Variants in ADAM19 observed in about 807,000 individuals in gnomAD.
ADAM19 encodes the protein ADAM metallopeptidase domain 19.
ADAM19 carries 65 observed loss-of-function variants against 114.7 expected under a neutral mutation model. That is an observed-to-expected ratio of 0.57 (90% CI 0.46 to 0.70). The LOEUF (loss-of-function observed/expected upper bound fraction) is 0.70, where lower values mean the gene tolerates loss of function less well. ADAM19 is among the 30% of genes least tolerant of loss of function. ADAM19 has a pLI of 0.00. For synonymous variants in ADAM19, 466 were observed against 460.5 expected (o/e 1.01, Z -0.15); for missense variants, 1,063 against 1,204.7 (o/e 0.88, Z 1.74).
intron 3 of ADAM19, among the ~76,000 whole-genome samples, chr5:157,557,419 G>T (rs55704016): frequency 0.2 from 30,579 of 152,054 alleles, 4,268 homozygotes; most frequent in African/African-American, 0.39. Context: ...TTCAATTTTG[G>T]ATGCTCTCTG....
rs758261259 is a variant in ADAM19 at position 157,494,782 on chromosome 5, G to A, written c.1608C>T (p.Ala536=). Residue 536 remains alanine (A), a synonymous_variant, in exon 15 of 23, where the codon GCC becomes GCT. Transcript: ENST00000257527. ...QQLWGPGARP[A]PDLCFEKVNV... ...TCACCTTCTCGAAGCAGAGGTCAGG[G>A]GCAGGTCGGGCTCCTGGGTGGGCAA... is the stretch of plus-strand genomic sequence containing the variant. The A allele has an allele frequency of 1.2e-6, 2 of 1,613,626 alleles. No individual in the cohort carries two copies. The highest frequency in any genetic ancestry group is 1.1e-5 in the South Asian group (1 of 91,066).
rs906798522 is a variant in ADAM19 at position 157,479,016 on chromosome 5, C to T, written c.*1933G>A. 21 of 985,616 alleles carry T rather than the reference C, an allele frequency of 2.1e-5. 1 individual carries two copies. The Admixed American group carries it at 6.1e-4, about 29-fold the overall frequency. The allele number at this position is 985,616 out of a possible 1,614,324, so 61.1% of individuals were successfully genotyped here. ...AGAGGGGTGAAAGGGGATGTTTTCACCTTTACTTTCCAGGAACCAAGCCTT... is the reference window on the plus strand; with the variant it reads ...AGAGGGGTGAAAGGGGATGTTTTCATCTTTACTTTCCAGGAACCAAGCCTT... On this transcript the variant is annotated 3_prime_UTR_variant, in exon 23 of 23. Coordinates refer to ENST00000257527, the MANE Select transcript of ADAM19 (RefSeq NM_033274.5).
intron 21 of ADAM19, among the ~76,000 whole-genome samples, chr5:157,483,613 G>T (rs1256919549): frequency 6.6e-6 from 1 of 151,408 alleles, no homozygotes; most frequent in Non-Finnish European, 1.5e-5. Context: ...AAAAGGGGAG[G>T]GGTGTGTTCC....
In ADAM19 at chr5:157,555,578, T is replaced by G. The variant is rs192263130; in HGVS notation, c.251+8795A>C. ...ACATTTGTTCTGGACGTTGCATTAG[T>G]ACAAATTAGCATGTATTGAAAACCT... On this transcript the variant is annotated intron_variant, in intron 3 of 22. Coordinates refer to ENST00000257527, the MANE Select transcript of ADAM19 (RefSeq NM_033274.5). Among the ~76,000 whole-genome samples, 3 of 152,350 alleles carry G rather than the reference T, an allele frequency of 2.0e-5. No individual in the cohort carries two copies. In the East Asian group the frequency reaches 5.8e-4, roughly 29 times the overall value.
intron 12 of ADAM19, among the ~76,000 whole-genome samples, chr5:157,500,578 T>C (rs1156238055): frequency 6.6e-6 from 1 of 152,162 alleles, no homozygotes; most frequent in Non-Finnish European, 1.5e-5. Context: ...CTAGGCTTTC[T>C]TATCTCATGA....
intron 3 of ADAM19, among the ~76,000 whole-genome samples, chr5:157,546,402 G>T (rs191717891): frequency 2.0e-5 from 3 of 152,238 alleles, no homozygotes; most frequent in Non-Finnish European, 4.4e-5. Flanking sequence ...CAACATGGCT[G>T]CCCTCCTTCT....
Position 157,481,006 on chromosome 5 carries a change from G to A in ADAM19, c.2704-4C>T, listed in dbSNP as rs1754728970. ...TCTGTGATCTGTATTCTGGAAACTG[G>A]GAAGAAAAAGAAGGGAGGGAGAGAG... On this transcript the variant is annotated splice_region_variant and splice_polypyrimidine_tract_variant and intron_variant, in intron 22 of 22. Coordinates refer to ENST00000257527, the MANE Select transcript of ADAM19 (RefSeq NM_033274.5). 2.5e-6 allele frequency: 4 copies of A among 1,613,984 alleles called. No homozygotes were observed. The highest frequency in any genetic ancestry group is 1.3e-5 in the African/African-American group (1 of 74,874).
chr5:157,484,525 C>T (rs577212306), intron 21 of ADAM19, among the ~76,000 whole-genome samples: 2 of 152,192 alleles, frequency 1.3e-5, no homozygotes, highest in Non-Finnish European at 2.9e-5. Flanking sequence ...ACTTCCTTCC[C>T]TTCTCGAGAG....
At chr5:157,516,408 C>T (rs1756090618) in intron 7 of ADAM19, among the ~76,000 whole-genome samples, 1 of 152,196 alleles carries the variant, frequency 6.6e-6, no homozygotes, top group Non-Finnish European at 1.5e-5. Context: ...CTTGAGTGGA[C>T]ACTTTTTCTC....
intron 7 of ADAM19, among the ~76,000 whole-genome samples, chr5:157,514,436 C>CAG (rs1756032158): frequency 6.6e-6 from 1 of 151,488 alleles, no homozygotes; most frequent in Non-Finnish European, 1.5e-5. Flanking sequence ...AAGCGATTCT[C>CAG]CTGCCTCAGC....
At chr5:157,562,228 GCCGT>G (rs1283051023) in intron 3 of ADAM19, among the ~76,000 whole-genome samples, 3 of 152,212 alleles carry the variant, frequency 2.0e-5, no homozygotes, top group East Asian at 3.8e-4. Context: ...ATAGCAGGAA[GCCGT>G]CCCCCAGGGA....
chr5:157,533,099 A>G (rs1283298155), intron 4 of ADAM19, among the ~76,000 whole-genome samples: 1 of 152,194 alleles, frequency 6.6e-6, no homozygotes, highest in Non-Finnish European at 1.5e-5. Flanking sequence ...ATGCTCCAGC[A>G]TATCCAGCCA....
chr5:157,532,866 C>T (rs1044833101), intron 4 of ADAM19, among the ~76,000 whole-genome samples: 2 of 152,228 alleles, frequency 1.3e-5, no homozygotes, highest in African/African-American at 4.8e-5. Context: ...CAAGCATACG[C>T]AGTTCCACAA....
chr5:157,552,567 T>A lies in ADAM19; in HGVS notation c.251+11806A>T, dbSNP rs184288975. On this transcript the variant is annotated intron_variant, in intron 3 of 22. Transcript: ENST00000257527. ...GGTGGTGTGTGCCTGTAGTCCCAGC[T>A]ACTCGGGAGGCTGAGACAGGAGAAT... Among the ~76,000 whole-genome samples the A allele has an allele frequency of 6.0e-3, 908 of 150,730 alleles. 7 individuals carry two copies. Among genetic ancestry groups the A allele is most frequent in the Non-Finnish European group, 9.3e-3 (629 of 67,826 alleles).
intron 3 of ADAM19, among the ~76,000 whole-genome samples, chr5:157,559,577 T>C (rs1163647788): frequency 6.6e-6 from 1 of 152,196 alleles, no homozygotes; most frequent in African/African-American, 2.4e-5. Flanking sequence ...ATAACCCTGT[T>C]CATCTCCCTG....
At chr5:157,521,025 G>C (rs916281916) in intron 5 of ADAM19, among the ~76,000 whole-genome samples, 7 of 152,286 alleles carry the variant, frequency 4.6e-5, no homozygotes, top group Non-Finnish European at 8.8e-5. Context: ...CTTGTGAAGC[G>C]TTGAGTGTAA....
intron 3 of ADAM19, among the ~76,000 whole-genome samples, chr5:157,551,262 G>A (rs1356351182): frequency 1.3e-5 from 2 of 151,820 alleles, no homozygotes; most frequent in Admixed American, 6.6e-5. Context: ...ATAATTAGCT[G>A]GCGTGGTGGT....
intron 16 of ADAM19, 60 bp downstream of exon 16, chr5:157,492,913 T>G: frequency 6.3e-7 from 1 of 1,581,824 alleles, no homozygotes. Context: ...CCCTCAGACC[T>G]CACTTCTCAA....
chr5:157,503,384 C>A (rs1755630330), intron 11 of ADAM19, among the ~76,000 whole-genome samples: 1 of 151,900 alleles, frequency 6.6e-6, no homozygotes, highest in South Asian at 2.1e-4. Context: ...AGGAGATATA[C>A]CTAATGTAAA....
Sources: allele counts gnomAD v4.1 joint callset (sites outside exome capture counted in the v4.1 genomes callset), GRCh38; gene constraint gnomAD v4.1.1; transcripts MANE v1.5; gene names NCBI Gene and HGNC (gene_info 2026-07-23, HGNC 2026-07-21).